Variants in CFAP54 observed in about 807,000 individuals in gnomAD.
The protein encoded by CFAP54 is cilia- and flagella-associated protein 54.
CFAP54 carries 290 observed loss-of-function variants against 370.4 expected under a neutral mutation model. The ratio of observed to expected loss-of-function variants is 0.78; its 90% CI spans 0.71 to 0.86. The LOEUF is 0.86. Among genes scored for constraint, CFAP54 ranks in the 40% least tolerant of loss-of-function variants. The pLI is 0.00. For missense variants in CFAP54, 3,399 were observed against 3,528.7 expected, an observed-to-expected ratio of 0.96 and a Z score of 0.93; for synonymous variants, 1,206 against 1,236.5, an observed-to-expected ratio of 0.98 and a Z score of 0.52.
intron 5 of CFAP54, among the ~76,000 whole-genome samples, chr12:96,517,574 G>A (rs1359003933): frequency 6.6e-6 from 1 of 152,210 alleles, no homozygotes; most frequent in African/African-American, 2.4e-5. Context: ...AGCAGCAAAT[G>A]TGAGAAAAAT....
chr12:96,792,427 T>A lies in CFAP54; in HGVS notation c.8778T>A (p.Ala2926=). 6.5e-7 allele frequency: 1 copy of A among 1,535,950 alleles called. No homozygotes were observed. Among genetic ancestry groups the A allele is most frequent in the Non-Finnish European group, 8.7e-7 (1 of 1,146,792 alleles). The part of the protein sequence containing the change: ...DITPIEMVTQ[A]SNKELCFQWY... ...CGCCAATAGAAATGGTAACGCAAGCTTCAAACAAAGAACTTTGCTTTCAAT... is the reference window on the plus strand; with the variant it reads ...CGCCAATAGAAATGGTAACGCAAGCATCAAACAAAGAACTTTGCTTTCAAT... Residue 2926 remains alanine (A), a synonymous_variant, in exon 63 of 68, where the codon GCT becomes GCA. Transcript: ENST00000524981.
intron 26 of CFAP54, among the ~76,000 whole-genome samples, chr12:96,612,637 G>T (rs1956371113): frequency 6.6e-6 from 1 of 152,172 alleles, no homozygotes; most frequent in Non-Finnish European, 1.5e-5. Context: ...CTGTATTCAG[G>T]AGACCCATCT....
chr12:96,500,521 G>A (rs1955014164), intron 1 of CFAP54, among the ~76,000 whole-genome samples: 1 of 152,106 alleles, frequency 6.6e-6, no homozygotes, highest in South Asian at 2.1e-4. Flanking sequence ...ATAATGGGGA[G>A]GGCTGTGCAT....
At chr12:96,711,815 G>T (rs1395063580) in intron 48 of CFAP54, among the ~76,000 whole-genome samples, 2 of 152,144 alleles carry the variant, frequency 1.3e-5, no homozygotes, top group African/African-American at 4.8e-5. Context: ...TGAACAATGT[G>T]TTTTTGAGAT....
chr12:96,757,763 T>C (rs1348608192), intron 58 of CFAP54, among the ~76,000 whole-genome samples, 175 bp downstream of exon 58: 1 of 152,192 alleles, frequency 6.6e-6, no homozygotes, highest in East Asian at 1.9e-4. Context: ...CTTTGGACAT[T>C]TTATATAGGG....
At chr12:96,758,805 ACT>A (rs1958297569) in intron 58 of CFAP54, among the ~76,000 whole-genome samples, 2 of 151,960 alleles carry the variant, frequency 1.3e-5, no homozygotes, top group Non-Finnish European at 2.9e-5. Context: ...GAAATGGCAG[ACT>A]CTGATTCAGT....
chr12:96,781,538 G>T (rs1020434886), intron 60 of CFAP54, among the ~76,000 whole-genome samples: 7 of 152,052 alleles, frequency 4.6e-5, no homozygotes, highest in African/African-American at 1.7e-4. Context: ...TGAAGGGTTT[G>T]TTATGGGTAT....
intron 63 of CFAP54, among the ~76,000 whole-genome samples, chr12:96,806,378 C>CT (rs1236297549): frequency 1.3e-5 from 2 of 150,814 alleles, no homozygotes; most frequent in Non-Finnish European, 3.0e-5. Context: ...GAGCAAGACT[C>CT]CGTCAAGTGA....
At chr12:96,687,663 A>G (rs909993727) in intron 42 of CFAP54, among the ~76,000 whole-genome samples, 1 of 152,172 alleles carries the variant, frequency 6.6e-6, no homozygotes, top group African/African-American at 2.4e-5. Flanking sequence ...TAAAAGTATT[A>G]AACGTCAAAG....
intron 32 of CFAP54, among the ~76,000 whole-genome samples, chr12:96,638,046 A>G (rs1956679333): frequency 6.6e-6 from 1 of 152,134 alleles, no homozygotes; most frequent in African/African-American, 2.4e-5. Context: ...ATTTCTCAGA[A>G]TGTATCCCTG....
At chr12:96,792,668 G>T (rs1689150993) in intron 63 of CFAP54, among the ~76,000 whole-genome samples, 169 bp downstream of exon 63, 3 of 151,988 alleles carry the variant, frequency 2.0e-5, no homozygotes, top group Admixed American at 1.3e-4. Context: ...CAAGAAATCG[G>T]GGAAAGTCTG....
intron 19 of CFAP54, among the ~76,000 whole-genome samples, chr12:96,570,586 C>A (rs962424801): frequency 6.6e-6 from 1 of 152,118 alleles, no homozygotes; most frequent in Non-Finnish European, 1.5e-5. Flanking sequence ...CTGGTTCTAC[C>A]AGTGATTAGC....
intron 44 of CFAP54, among the ~76,000 whole-genome samples, chr12:96,692,809 G>T (rs1236034122): frequency 6.6e-6 from 1 of 152,160 alleles, no homozygotes; most frequent in Non-Finnish European, 1.5e-5. Flanking sequence ...TATAAAATTT[G>T]CTATGTGACC....
At chr12:96,510,559 C>T (rs1391101820) in intron 4 of CFAP54, among the ~76,000 whole-genome samples, 1 of 152,204 alleles carries the variant, frequency 6.6e-6, no homozygotes, top group Non-Finnish European at 1.5e-5. Flanking sequence ...ATACAGGCTC[C>T]TGGCTTACAT....
At chr12:96,597,296 G>A (rs1179112582) in intron 25 of CFAP54, among the ~76,000 whole-genome samples, 6 of 151,818 alleles carry the variant, frequency 4.0e-5, no homozygotes, top group East Asian at 1.9e-4. Flanking sequence ...CCACCTCTTG[G>A]TTCCTGGACC....
At chr12:96,591,777 G>A (rs1344305057) in intron 23 of CFAP54, among the ~76,000 whole-genome samples, 1 of 141,016 alleles carries the variant, frequency 7.1e-6, no homozygotes, top group African/African-American at 2.6e-5. Context: ...TGTAGTCCCA[G>A]CTACACGGGA....
chr12:96,676,557 T>A lies in CFAP54; in HGVS notation c.5564-3043T>A, dbSNP rs138314048. 8.8e-3 allele frequency among the ~76,000 whole-genome samples: 1,340 copies of A among 152,132 alleles called. 20 individuals are homozygous for A. Among genetic ancestry groups the A allele is most frequent in the African/African-American group, 0.03 (1,248 of 41,520 alleles). ...GGTGTCTTTACTTTTATTTAGTTAT[T>A]TTTTTTGAGATGGAGTTTCATTCCG... On this transcript the variant is annotated intron_variant, in intron 39 of 67. Coordinates refer to ENST00000524981, the MANE Select transcript of CFAP54 (RefSeq NM_001306084.2).
At chr12:96,665,675 T>C (rs1173608427) in intron 39 of CFAP54, among the ~76,000 whole-genome samples, 2 of 152,216 alleles carry the variant, frequency 1.3e-5, no homozygotes, top group Non-Finnish European at 2.9e-5. Context: ...TCCACTGGTG[T>C]ACGTGTCTCT....
chr12:96,835,870 G>A (rs747460643), intron 66 of CFAP54, among the ~76,000 whole-genome samples: 2 of 152,182 alleles, frequency 1.3e-5, no homozygotes, highest in African/African-American at 2.4e-5. Flanking sequence ...GCTGCAGCTG[G>A]TGTGATGGCA....
Sources: gnomAD v4.1 joint callset for allele counts (sites outside exome capture counted in the v4.1 genomes callset) on GRCh38, gnomAD v4.1.1 for gene constraint, MANE v1.5 for transcripts, NCBI Gene and HGNC (gene_info 2026-07-23, HGNC 2026-07-21) for gene names.